The following NAALADL2 variants were observed in gnomAD, a reference collection of about 807,000 sequenced individuals.
NAALADL2 encodes the protein inactive N-acetylated-alpha-linked acidic dipeptidase-like protein 2.
NAALADL2 carries 76 observed loss-of-function variants against 87.2 expected under a neutral mutation model. That is an observed-to-expected ratio of 0.87 (90% confidence interval 0.72 to 1.05). NAALADL2 has a LOEUF of 1.05. Ranked by LOEUF, NAALADL2 falls within the 50% of genes least tolerant of loss-of-function variation. NAALADL2 has a pLI of 0.00. For synonymous variants in NAALADL2, 354 were observed against 331.0 expected, an observed-to-expected ratio of 1.07 and a Z score of -0.75; for missense variants, 1,089 against 945.8, an observed-to-expected ratio of 1.15 and a Z score of -1.99.
chr3:174,732,044 C>T (rs116541037), intron 2 of NAALADL2, among the ~76,000 whole-genome samples: 3,322 of 152,182 alleles, frequency 0.022, 39 homozygotes, highest in Middle Eastern at 0.048. Context: ...AACAGGCATC[C>T]GGCCAAATTT....
chr3:174,991,085 A>G (rs936807397), intron 1 of NAALADL2, among the ~76,000 whole-genome samples: 6 of 152,158 alleles, frequency 3.9e-5, no homozygotes, highest in Non-Finnish European at 8.8e-5. Context: ...ACAGAAACTA[A>G]TTTAAAAAAA....
At chr3:175,652,603 C>T (rs909965378) in intron 11 of NAALADL2, among the ~76,000 whole-genome samples, 14 of 151,542 alleles carry the variant, frequency 9.2e-5, no homozygotes, top group Non-Finnish European at 1.5e-4. Flanking sequence ...CTCAGCCTCC[C>T]GAGTAGCTGG....
intron 3 of NAALADL2, among the ~76,000 whole-genome samples, chr3:174,817,379 AT>A (rs1408757519): frequency 3.3e-5 from 5 of 152,130 alleles, no homozygotes; most frequent in African/African-American, 1.2e-4. Flanking sequence ...ACGTGGGAGG[AT>A]TGCTTGAAGT....
At chr3:175,591,252 TA>T (rs1362406688) in intron 10 of NAALADL2, among the ~76,000 whole-genome samples, 3 of 152,186 alleles carry the variant, frequency 2.0e-5, no homozygotes, top group African/African-American at 7.2e-5. Context: ...ATATAAAGCA[TA>T]TTTTTCTCAA....
intron 2 of NAALADL2, among the ~76,000 whole-genome samples, chr3:174,650,458 A>C (rs1724241481): frequency 6.6e-6 from 1 of 152,134 alleles, no homozygotes. Flanking sequence ...ATTTCCCTGC[A>C]TTATTTGACC....
At chr3:175,762,957 G>A (rs1748221676) in intron 13 of NAALADL2, among the ~76,000 whole-genome samples, 1 of 152,026 alleles carries the variant, frequency 6.6e-6, no homozygotes, top group African/African-American at 2.4e-5. Context: ...GGTGGCGGGC[G>A]CCTGTAGTCC....
At chr3:174,962,414 T>TATATATATATATGTCATAGTGACTATGAC (rs1560417316) in intron 1 of NAALADL2, among the ~76,000 whole-genome samples, 8 of 47,568 alleles carry the variant, frequency 1.7e-4, no homozygotes, top group African/African-American at 5.0e-4. Flanking sequence ...GACTATGACA[T>TATATATATATATGTCATAGTGACTATGAC]ATATATATAT....
chr3:175,414,187 A>G (rs942584599), intron 5 of NAALADL2, among the ~76,000 whole-genome samples: 3 of 152,190 alleles, frequency 2.0e-5, no homozygotes, highest in Non-Finnish European at 4.4e-5. Flanking sequence ...GCTCATAGCT[A>G]TAGTTTGCCA....
At chr3:174,727,756 G>T (rs1042060942) in intron 2 of NAALADL2, among the ~76,000 whole-genome samples, 1 of 151,986 alleles carries the variant, frequency 6.6e-6, no homozygotes, top group Non-Finnish European at 1.5e-5. Context: ...CTGCATTTGG[G>T]TTCACACTTT....
intron 1 of NAALADL2, among the ~76,000 whole-genome samples, chr3:174,511,167 A>G (rs1719578014): frequency 6.6e-6 from 1 of 152,046 alleles, no homozygotes; most frequent in South Asian, 2.1e-4. Context: ...ATGGGCTACA[A>G]ATGTTAATTA....
intron 11 of NAALADL2, among the ~76,000 whole-genome samples, chr3:175,694,852 C>G (rs1260035248): frequency 6.6e-6 from 1 of 152,060 alleles, no homozygotes; most frequent in Non-Finnish European, 1.5e-5. Context: ...AACAGAAATT[C>G]AGGTAAATGA....
intron 1 of NAALADL2, among the ~76,000 whole-genome samples, chr3:174,963,647 C>T (rs1742451693): frequency 6.6e-6 from 1 of 152,104 alleles, no homozygotes; most frequent in South Asian, 2.1e-4. Context: ...TGGTTTTCTT[C>T]ACTGGTGAGA....
intron 2 of NAALADL2, among the ~76,000 whole-genome samples, chr3:174,665,205 A>AT (rs1304928600): frequency 2.0e-5 from 3 of 152,082 alleles, no homozygotes; most frequent in Non-Finnish European, 4.4e-5. Flanking sequence ...TTACATAGAG[A>AT]TTTTCTGCTA....
At chr3:175,570,711 T>G (rs1291173659) in intron 9 of NAALADL2, among the ~76,000 whole-genome samples, 2 of 151,902 alleles carry the variant, frequency 1.3e-5, no homozygotes, top group Non-Finnish European at 2.9e-5. Context: ...AAACCCTGTT[T>G]CTATCAAAAA....
intron 11 of NAALADL2, among the ~76,000 whole-genome samples, chr3:175,628,807 A>G (rs1316379930): frequency 6.6e-6 from 1 of 150,686 alleles, no homozygotes; most frequent in Non-Finnish European, 1.5e-5. Context: ...TGAGTTCGGA[A>G]TACAAAGACT....
chr3:174,499,637 A>G (rs1195864809), intron 1 of NAALADL2, among the ~76,000 whole-genome samples: 1 of 151,590 alleles, frequency 6.6e-6, no homozygotes, highest in Non-Finnish European at 1.5e-5. Flanking sequence ...CTTTTTGTGT[A>G]TGGATTTTTA....
chr3:175,380,796 A>G (rs1560463649), intron 5 of NAALADL2, among the ~76,000 whole-genome samples: 1 of 152,162 alleles, frequency 6.6e-6, no homozygotes, highest in Non-Finnish European at 1.5e-5. Flanking sequence ...GTCTTTGCCT[A>G]TGACACTTTC....
intron 2 of NAALADL2, among the ~76,000 whole-genome samples, chr3:175,122,761 A>G (rs1211350345): frequency 6.6e-6 from 1 of 151,926 alleles, no homozygotes; most frequent in East Asian, 1.9e-4. Context: ...TTATATGAAC[A>G]TTGTCTCAAT....
At chr3:175,780,962 C>T (rs1251222905) in intron 13 of NAALADL2, among the ~76,000 whole-genome samples, 1 of 152,132 alleles carries the variant, frequency 6.6e-6, no homozygotes, top group Non-Finnish European at 1.5e-5. Flanking sequence ...TCAAAAGGCA[C>T]ATGAGAGATT....
Sources: gnomAD v4.1 joint callset for allele counts (sites outside exome capture counted in the v4.1 genomes callset) on GRCh38, gnomAD v4.1.1 for gene constraint, MANE v1.5 for transcripts, NCBI Gene and HGNC (gene_info 2026-07-23, HGNC 2026-07-21) for gene names.